The following CNTNAP2 variants were observed in gnomAD, a reference collection of about 807,000 sequenced individuals.
CNTNAP2 encodes contactin associated protein 2, also known as contactin-associated protein-like 2.
Under a neutral mutation model 155.2 loss-of-function variants are expected in CNTNAP2, and 98 were observed. The ratio of observed to expected loss-of-function variants is 0.63; its 90% CI spans 0.54 to 0.75. The LOEUF (loss-of-function observed/expected upper bound fraction) is 0.75. Among genes scored for constraint, CNTNAP2 ranks in the 30% least tolerant of loss-of-function variants. The probability of loss-of-function intolerance (pLI) is 0.00; values close to 1 mark genes in which losing one functional copy is unlikely to be tolerated. For synonymous variants in CNTNAP2, 651 were observed against 631.2 expected (o/e 1.03, Z -0.47); for missense variants, 1,727 against 1,688.1 (o/e 1.02, Z -0.40).
intron 1 of CNTNAP2, among the ~76,000 whole-genome samples, chr7:146,242,825 A>G (rs1443012636): frequency 6.6e-6 from 1 of 152,188 alleles, no homozygotes; most frequent in Non-Finnish European, 1.5e-5. Context: ...TCTTAACTAC[A>G]TTATAGAATG....
intron 1 of CNTNAP2, among the ~76,000 whole-genome samples, chr7:146,233,571 C>G (rs867656015): frequency 6.6e-6 from 1 of 152,044 alleles, no homozygotes; most frequent in Non-Finnish European, 1.5e-5. Flanking sequence ...CCCATTAACT[C>G]GTCATTTAGC....
intron 1 of CNTNAP2, among the ~76,000 whole-genome samples, chr7:146,371,366 T>TG (rs1795231961): frequency 2.6e-5 from 1 of 38,738 alleles, no homozygotes; most frequent in East Asian, 4.5e-4. Context: ...CCAGTATTAG[T>TG]TTTTTTTTTT....
rs912788539 is a variant in CNTNAP2 at position 146,822,687 on chromosome 7, TTATA to T, written c.209-17019_209-17016del. Among the ~76,000 whole-genome samples the T allele has an allele frequency of 1.6e-4, 24 of 147,180 alleles. No homozygotes were observed. In the South Asian group the frequency reaches 2.3e-3, roughly 14 times the overall value. On this transcript the variant is annotated intron_variant, in intron 2 of 23. Transcript: ENST00000361727. ...TAAATATACTTATTCTTAAGCATAT[TTATA>T]TATAAATATTCTTAAGTATACACTT...
At chr7:147,625,385 G>A (rs550038607) in intron 12 of CNTNAP2, among the ~76,000 whole-genome samples, 1 of 152,102 alleles carries the variant, frequency 6.6e-6, no homozygotes, top group African/African-American at 2.4e-5. Context: ...ATATACCTAT[G>A]ATGTACCCAC....
At chr7:147,224,583 G>T (rs1476572927) in intron 8 of CNTNAP2, among the ~76,000 whole-genome samples, 3 of 152,068 alleles carry the variant, frequency 2.0e-5, no homozygotes, top group Non-Finnish European at 4.4e-5. Flanking sequence ...AGGAAATCAA[G>T]TAAAGCAGAA....
At chr7:147,463,092 G>A (rs1385697864) in intron 10 of CNTNAP2, among the ~76,000 whole-genome samples, 1 of 152,160 alleles carries the variant, frequency 6.6e-6, no homozygotes, top group Non-Finnish European at 1.5e-5. Flanking sequence ...ACTACTTGTT[G>A]ACATTTATGA....
chr7:147,129,098 G>A (rs1265431865), intron 7 of CNTNAP2, among the ~76,000 whole-genome samples: 1 of 152,168 alleles, frequency 6.6e-6, no homozygotes, highest in Non-Finnish European at 1.5e-5. Flanking sequence ...ATTTCTGGAT[G>A]ACTCGTGGCA....
intron 15 of CNTNAP2, among the ~76,000 whole-genome samples, chr7:148,045,508 C>T (rs936303755): frequency 3.3e-5 from 5 of 152,138 alleles, no homozygotes; most frequent in African/African-American, 1.2e-4. Context: ...CTGGATTGAC[C>T]GCCTTGAGGA....
At chr7:147,774,091 G>A (rs1525264) in intron 13 of CNTNAP2, among the ~76,000 whole-genome samples, 1,666 of 151,870 alleles carry the variant, frequency 0.011, 98 homozygotes, top group Admixed American at 0.087. Flanking sequence ...CTAAAATTTC[G>A]ACTCCTCCTG....
At chr7:147,850,119 G>A (rs887878611) in intron 13 of CNTNAP2, 2 of 152,098 alleles carry the variant, frequency 1.3e-5, no homozygotes, top group African/African-American at 2.4e-5. Flanking sequence ...AAAAAGAAAT[G>A]TTTCTACTTT....
In CNTNAP2 at chr7:146,934,921, T is replaced by A. The variant is rs148100680; in HGVS notation, c.402+95017T>A. Among the ~76,000 whole-genome samples, 32 of 152,340 alleles carry A rather than the reference T, an allele frequency of 2.1e-4. No homozygotes were observed. The East Asian group carries it at 6.2e-3, about 29-fold the overall frequency. Reference sequence around the variant, plus strand: ...TGACCTTTTATGATCACTGTCTTTCTGGAATTTGACAAACTCAGAGAAAAG... The same window carrying A: ...TGACCTTTTATGATCACTGTCTTTCAGGAATTTGACAAACTCAGAGAAAAG... On this transcript the variant is annotated intron_variant, in intron 3 of 23. Transcript: ENST00000361727.
chr7:147,219,921 A>T (rs752215714), intron 8 of CNTNAP2, among the ~76,000 whole-genome samples: 14 of 145,904 alleles, frequency 9.6e-5, no homozygotes, highest in Non-Finnish European at 1.9e-4. Flanking sequence ...GACTACAGGC[A>T]CCCACCACCA....
chr7:146,531,242 T>C (rs1797764885), intron 1 of CNTNAP2, among the ~76,000 whole-genome samples: 1 of 151,998 alleles, frequency 6.6e-6, no homozygotes. Context: ...GGGAGGAGCA[T>C]AAGGATTTAA....
intron 3 of CNTNAP2, among the ~76,000 whole-genome samples, chr7:146,974,978 C>T (rs36049690): frequency 0.023 from 3,431 of 152,072 alleles, 52 homozygotes; most frequent in Non-Finnish European, 0.032. Context: ...TCTAAAAAAA[C>T]AAAACAAAGC....
At chr7:147,001,815 T>A (rs1323139069) in intron 3 of CNTNAP2, among the ~76,000 whole-genome samples, 1 of 151,336 alleles carries the variant, frequency 6.6e-6, no homozygotes, top group Non-Finnish European at 1.5e-5. Flanking sequence ...AAACAAAATA[T>A]AAGGAAAAAA....
intron 14 of CNTNAP2, among the ~76,000 whole-genome samples, chr7:147,948,414 A>G (rs548626755): frequency 2.0e-5 from 3 of 152,002 alleles, no homozygotes; most frequent in African/African-American, 7.2e-5. Flanking sequence ...AAAACATCTC[A>G]TGTACCCCCA....
intron 3 of CNTNAP2, among the ~76,000 whole-genome samples, chr7:146,907,338 C>A (rs1796156363): frequency 6.9e-6 from 1 of 145,278 alleles, no homozygotes; most frequent in African/African-American, 2.6e-5. Flanking sequence ...AACTCCAAGA[C>A]ACATAATTGT....
intron 4 of CNTNAP2, among the ~76,000 whole-genome samples, chr7:147,088,394 A>G (rs1269507481): frequency 6.6e-6 from 1 of 152,208 alleles, no homozygotes. Flanking sequence ...AACAAAAAAT[A>G]GATGTTTTAA....
intron 1 of CNTNAP2, among the ~76,000 whole-genome samples, chr7:146,455,406 C>G (rs1796541258): frequency 6.6e-6 from 1 of 152,082 alleles, no homozygotes. Context: ...GGGCTAAGTA[C>G]CCGTATGCTT....
Sources: allele counts gnomAD v4.1 joint callset (sites outside exome capture counted in the v4.1 genomes callset), GRCh38; gene constraint gnomAD v4.1.1; transcripts MANE v1.5; gene names NCBI Gene and HGNC (gene_info 2026-07-23, HGNC 2026-07-21).